PIK3C2B: variants seen among roughly 807,000 people sequenced by gnomAD.
The protein encoded by PIK3C2B is phosphatidylinositol 4-phosphate 3-kinase C2 domain-containing subunit beta.
PIK3C2B carries 83 observed loss-of-function variants against 184.3 expected under a neutral mutation model. The ratio of observed to expected loss-of-function variants is 0.45; its 90% CI spans 0.38 to 0.54. The LOEUF (loss-of-function observed/expected upper bound fraction) is 0.54, where lower values mean the gene tolerates loss of function less well. Ranked by LOEUF, PIK3C2B falls within the 20% of genes least tolerant of loss-of-function variation. PIK3C2B has a pLI of 0.00. For missense variants in PIK3C2B, 1,736 were observed against 2,113.5 expected (o/e 0.82, Z 3.50); for synonymous variants, 779 against 837.6 (o/e 0.93, Z 1.21).
rs1675164147 is a variant in PIK3C2B at position 204,433,238 on chromosome 1, A to G, written c.3953+78T>C. 1 of 788,678 alleles carries G rather than the reference A, an allele frequency of 1.3e-6. No homozygotes were observed. The highest frequency in any genetic ancestry group is 2.2e-6 in the Non-Finnish European group (1 of 460,712). The allele number at this position is 788,678 out of a possible 1,614,324, so 48.9% of individuals were successfully genotyped here. A position where few individuals can be genotyped will look rare whatever the true frequency, so the allele number is the denominator to read the frequency against. ...TGAGCTAAGCTTTTCACCTTTCCCC[A>G]GTCCTCCTCCTGCCAATCCGGCAGG... On this transcript the variant is annotated intron_variant, in intron 26 of 32. Transcript: ENST00000684373. The surrounding 1 kb of genome is among the most constrained non-coding windows in gnomAD (Gnocchi z 5.0).
chr1:204,482,121 G>T (rs1220353913), intron 1 of PIK3C2B, among the ~76,000 whole-genome samples: 4 of 23,838 alleles, frequency 1.7e-4, no homozygotes, highest in South Asian at 2.0e-3. Context: ...GGGGGGGGGG[G>T]GGGGGTGCTC....
rs1658263241 is a variant in PIK3C2B at position 204,494,778 on chromosome 1, C to T, written c.-507G>A. The T allele has an allele frequency of 6.6e-6, 1 of 152,058 alleles. No homozygotes were observed. Among genetic ancestry groups the T allele is most frequent in the African/African-American group, 2.4e-5 (1 of 41,406 alleles). 9.4% of individuals were successfully genotyped at this position (152,058 alleles called of 1,614,324 possible). ...CTGCCTGGACAGGCAGGCACCCGGC[C>T]GCCGGCTCCAGCCGCAGCGCCGAAT... is the stretch of plus-strand genomic sequence containing the variant. On this transcript the variant is annotated 5_prime_UTR_variant, in exon 1 of 33. Transcript: ENST00000684373.
chr1:204,483,954 G>A (rs1345848974), intron 1 of PIK3C2B, among the ~76,000 whole-genome samples: 3 of 152,322 alleles, frequency 2.0e-5, no homozygotes, highest in Middle Eastern at 3.4e-3. Context: ...GGGTGTGACC[G>A]TGTAAGCATC....
intron 30 of PIK3C2B, 39 bp from the exon 31 acceptor site, chr1:204,427,793 A>G: frequency 6.9e-7 from 1 of 1,448,828 alleles, no homozygotes; most frequent in Non-Finnish European, 9.7e-7. Context: ...TCAAGAGGCC[A>G]GGCAGGTGTT....
intron 16 of PIK3C2B, 119 bp downstream of exon 16, chr1:204,445,837 T>C (rs1653806044): frequency 3.4e-6 from 2 of 580,188 alleles, no homozygotes; most frequent in South Asian, 1.0e-4. Context: ...GGAAAATCCC[T>C]GAATATCCAC....
At chr1:204,493,749 G>A (rs1209990230) in intron 1 of PIK3C2B, among the ~76,000 whole-genome samples, 1 of 152,158 alleles carries the variant, frequency 6.6e-6, no homozygotes, top group African/African-American at 2.4e-5. Context: ...CTGAAAATGA[G>A]GGACAAGTAT....
At chr1:204,489,143 G>C (rs983373274) in intron 1 of PIK3C2B, among the ~76,000 whole-genome samples, 3 of 151,894 alleles carry the variant, frequency 2.0e-5, no homozygotes, top group Non-Finnish European at 4.4e-5. Context: ...AATTGTACAA[G>C]CTCTTTATTA....
intron 1 of PIK3C2B, among the ~76,000 whole-genome samples, chr1:204,493,524 A>AACACACACACACACAC (rs3038310): frequency 0.095 from 13,626 of 143,758 alleles, 769 homozygotes; most frequent in African/African-American, 0.13. Context: ...AATGGCAGAA[A>AACACACACACACACAC]ACACACACAC....
chr1:204,463,018 G>A (rs181528568), intron 5 of PIK3C2B, among the ~76,000 whole-genome samples: 292 of 152,212 alleles, frequency 1.9e-3, no homozygotes, highest in Middle Eastern at 6.8e-3. Flanking sequence ...GTGAGATGGC[G>A]CCACAGCACT....
intron 29 of PIK3C2B, 75 bp downstream of exon 29, chr1:204,429,846 C>G: frequency 1.1e-6 from 1 of 942,872 alleles, no homozygotes; most frequent in Non-Finnish European, 1.7e-6. Context: ...CTAGTGCCTC[C>G]GGATGCTTCC....
In PIK3C2B at chr1:204,432,191, A is replaced by T; in HGVS notation, c.4155+9T>A. ...CAGGAAAGGGGGTCAGATTGGAGAA[A>T]ACACTTACATAGCCTTTGTTGGGGT... is the stretch of plus-strand genomic sequence containing the variant. On this transcript the variant is annotated intron_variant, in intron 27 of 32. Coordinates refer to ENST00000684373, the MANE Select transcript of PIK3C2B (RefSeq NM_001377334.1). 6.2e-7 allele frequency: 1 copy of T among 1,612,316 alleles called. No homozygotes were observed. The highest frequency in any genetic ancestry group is 8.5e-7 in the Non-Finnish European group (1 of 1,178,810).
At chr1:204,451,232 G>T (rs1654327439) in intron 12 of PIK3C2B, among the ~76,000 whole-genome samples, 1 of 152,222 alleles carries the variant, frequency 6.6e-6, no homozygotes, top group South Asian at 2.1e-4. Context: ...GCTACAGTGG[G>T]GCAGAGAATC....
intron 4 of PIK3C2B, 58 bp from the exon 5 acceptor site, chr1:204,464,190 A>T: frequency 4.4e-6 from 7 of 1,588,430 alleles, no homozygotes; most frequent in Non-Finnish European, 6.0e-6. Context: ...GATGGGTCTC[A>T]GTTTCCCCAC....
chr1:204,481,202 T>C (rs1276373893), intron 1 of PIK3C2B, among the ~76,000 whole-genome samples: 1 of 149,570 alleles, frequency 6.7e-6, no homozygotes, highest in East Asian at 2.0e-4. Context: ...TCCTGCTCAC[T>C]CACTCCCTCA....
At chr1:204,481,511 C>A (rs1024068823) in intron 1 of PIK3C2B, among the ~76,000 whole-genome samples, 2 of 152,118 alleles carry the variant, frequency 1.3e-5, no homozygotes, top group African/African-American at 2.4e-5. Context: ...CCTGCCTGGG[C>A]CTCCCAAAGT....
Position 204,428,153 on chromosome 1 carries a change from G to A in PIK3C2B, c.4466C>T (p.Ala1489Val). 6.2e-7 allele frequency: 1 copy of A among 1,605,668 alleles called. No homozygotes were observed. Among genetic ancestry groups the A allele is most frequent in the Non-Finnish European group, 8.5e-7 (1 of 1,172,436 alleles). The change falls in exon 30 of 33, where the codon GCT becomes GTT. Residue 1489 changes from alanine to valine, a missense_variant. This residue lies in a region of PIK3C2B where 200 missense variants were observed against 199.1 expected (regional missense o/e 1.00). Coordinates refer to ENST00000684373, the MANE Select transcript of PIK3C2B (RefSeq NM_001377334.1). ...RDEKAMGTSP[A>V]PKSSDGTWAR... is the part of the protein sequence containing the mutation. ...AGATACTGTACCTGAGGACTTAGGAGCTGGGCTGGTGCCCATAGCCTTCTC... is the reference window on the plus strand; with the variant it reads ...AGATACTGTACCTGAGGACTTAGGAACTGGGCTGGTGCCCATAGCCTTCTC...
intron 2 of PIK3C2B, among the ~76,000 whole-genome samples, chr1:204,466,584 G>A: frequency 6.6e-6 from 1 of 152,062 alleles, no homozygotes. Flanking sequence ...CAAAACAATA[G>A]CACCACTGTC....
intron 12 of PIK3C2B, among the ~76,000 whole-genome samples, chr1:204,451,216 T>C (rs1283214982): frequency 6.6e-6 from 1 of 152,226 alleles, no homozygotes. Flanking sequence ...AGCTGATCCC[T>C]GGACCGCTAC....
chr1:204,460,051 A>C (rs565558106), intron 7 of PIK3C2B, 110 bp from the exon 8 acceptor site: 17 of 846,890 alleles, frequency 2.0e-5, no homozygotes, highest in South Asian at 1.7e-4. Context: ...GATTTAAAGG[A>C]GTTCCCACTC....
Sources: allele counts gnomAD v4.1 joint callset (sites outside exome capture counted in the v4.1 genomes callset), GRCh38; gene constraint gnomAD v4.1.1; regional missense constraint gnomAD v4.1.1; non-coding constraint Gnocchi (gnomAD v3.1); transcripts MANE v1.5; gene names NCBI Gene and HGNC (gene_info 2026-07-23, HGNC 2026-07-21).